The following SOBP variants were observed in gnomAD, a reference collection of about 807,000 sequenced individuals.
SOBP encodes the protein sine oculis-binding protein homolog.
Under a neutral mutation model 53.6 loss-of-function variants are expected in SOBP, and 4 were observed. The observed-to-expected ratio is 0.07, with a 90% CI of 0.04 to 0.17. The LOEUF is 0.17. Among genes scored for constraint, SOBP ranks in the 10% least tolerant of loss-of-function variants. SOBP has a pLI of 1.00. For missense variants in SOBP, 1,088 were observed against 1,204.7 expected, an observed-to-expected ratio of 0.90 and a Z score of 1.43; for synonymous variants, 584 against 522.6, an observed-to-expected ratio of 1.12 and a Z score of -1.60.
chr6:107,605,056 C>G (rs1000837983), intron 5 of SOBP, among the ~76,000 whole-genome samples: 1 of 152,172 alleles, frequency 6.6e-6, no homozygotes, highest in African/African-American at 2.4e-5. Flanking sequence ...TCCTCCTCCC[C>G]CCTCCACTCT....
intron 5 of SOBP, among the ~76,000 whole-genome samples, chr6:107,627,764 G>A (rs1376711775): frequency 6.6e-6 from 1 of 152,192 alleles, no homozygotes; most frequent in East Asian, 1.9e-4. Flanking sequence ...TGTTTTTATT[G>A]TATAAGAGCC....
Position 107,574,411 on chromosome 6 carries a change from G to A in SOBP, c.574-12669G>A, listed in dbSNP as rs184413056. ...TATGAATCTAGAATCCCATGTCCTT[G>A]AGAACATGTCTCAATTTGTCTAGGA... is the stretch of plus-strand genomic sequence containing the variant. On this transcript the variant is annotated intron_variant, in intron 4 of 6. Coordinates refer to ENST00000317357, the MANE Select transcript of SOBP (RefSeq NM_018013.4). Among the ~76,000 whole-genome samples, 8 of 152,224 alleles carry A rather than the reference G, an allele frequency of 5.3e-5. No homozygotes were observed. In the East Asian group the frequency reaches 1.5e-3, roughly 29 times the overall value.
intron 4 of SOBP, among the ~76,000 whole-genome samples, chr6:107,538,947 C>T (rs1043538127): frequency 6.6e-6 from 1 of 151,356 alleles, no homozygotes; most frequent in African/African-American, 2.4e-5. Flanking sequence ...AGTGTAGGTC[C>T]GTTTAAAGTG....
chr6:107,599,267 T>C (rs1583255762), intron 5 of SOBP, among the ~76,000 whole-genome samples: 1 of 152,224 alleles, frequency 6.6e-6, no homozygotes, highest in Non-Finnish European at 1.5e-5. Flanking sequence ...ATATATAGTG[T>C]GCTTGTCATT....
intron 6 of SOBP, among the ~76,000 whole-genome samples, chr6:107,644,668 G>A (rs1771479520): frequency 6.6e-6 from 1 of 152,184 alleles, no homozygotes; most frequent in South Asian, 2.1e-4. Context: ...GGAAAAGAAG[G>A]CTTTAAAAGG....
rs545012901 is a variant in SOBP, at chr6:107,635,357, C to G, written c.2513C>G (p.Ala838Gly). ...CCTGTGCCAAAACCCGCGGAGAAGG[C>G]TGCCATGGCACCGTGCATCATCTCC... ...IQPVPKPAEK[A>G]AMAPCIISSP... is the part of the protein sequence containing the mutation. The change falls in exon 6 of 7, where the codon GCT becomes GGT. Residue 838 changes from alanine to glycine, a missense_variant. Physicochemically the swap from Ala to Gly is moderately conservative, Grantham distance 60 (BLOSUM62 0). Around this residue, in one of 6 missense-constraint regions of SOBP, gnomAD observed 665 missense variants for 629.7 expected, o/e 1.06. Coordinates refer to ENST00000317357, the MANE Select transcript of SOBP (RefSeq NM_018013.4). The surrounding 1 kb of genome is among the most constrained non-coding windows in gnomAD (Gnocchi z 4.5). 1.2e-6 allele frequency: 2 copies of G among 1,613,612 alleles called. No individual in the cohort carries two copies. The highest frequency in any genetic ancestry group is 2.7e-5 in the African/African-American group (2 of 75,060).
At chr6:107,552,884 C>T (rs1416758665) in intron 4 of SOBP, among the ~76,000 whole-genome samples, 1 of 152,090 alleles carries the variant, frequency 6.6e-6, no homozygotes, top group African/African-American at 2.4e-5. Flanking sequence ...GATCACACCA[C>T]TGTACTCCAG....
At chr6:107,656,308 AAAG>A (rs1467883357) in intron 6 of SOBP, among the ~76,000 whole-genome samples, 11 of 14,438 alleles carry the variant, frequency 7.6e-4, no homozygotes, top group Non-Finnish European at 9.5e-4. Flanking sequence ...AGAAAGAAAG[AAAG>A]AAAGAAAGAA....
intron 1 of SOBP, among the ~76,000 whole-genome samples, chr6:107,498,152 T>C (rs983310186): frequency 2.0e-5 from 3 of 152,230 alleles, no homozygotes; most frequent in Admixed American, 2.0e-4. Context: ...TAAAGGTTCC[T>C]ACCCTCAAGT....
At chr6:107,648,496 C>T (rs977934857) in intron 6 of SOBP, among the ~76,000 whole-genome samples, 4 of 150,534 alleles carry the variant, frequency 2.7e-5, no homozygotes, top group Admixed American at 6.6e-5. Flanking sequence ...TCAGCTAGTT[C>T]GTGTGTTGGA....
chr6:107,594,057 T>C (rs1237320089), intron 5 of SOBP, among the ~76,000 whole-genome samples: 2 of 152,196 alleles, frequency 1.3e-5, no homozygotes, highest in Non-Finnish European at 2.9e-5. Context: ...AGTGTTGTAG[T>C]GAAGAACTTG....
At chr6:107,504,302 G>A (rs548754883) in intron 2 of SOBP, among the ~76,000 whole-genome samples, 7 of 152,192 alleles carry the variant, frequency 4.6e-5, no homozygotes, top group Admixed American at 6.5e-5. Context: ...CTGCCCCCAC[G>A]CACTTGAATA....
chr6:107,642,206 A>G (rs1398769617), intron 6 of SOBP, among the ~76,000 whole-genome samples: 2 of 152,206 alleles, frequency 1.3e-5, no homozygotes, highest in East Asian at 3.9e-4. Context: ...TACTAACTGC[A>G]GAGAGTTCTT....
In SOBP at chr6:107,545,764, C is replaced by T. The variant is rs543307979; in HGVS notation, c.573+12154C>T. On this transcript the variant is annotated intron_variant, in intron 4 of 6. Coordinates refer to ENST00000317357, the MANE Select transcript of SOBP (RefSeq NM_018013.4). ...CTGCAGTTCAGCTGGAGTCAGCAGCCTCCTCTCCAGATCTAGTAGCTCCTG... is the reference window on the plus strand; with the variant it reads ...CTGCAGTTCAGCTGGAGTCAGCAGCTTCCTCTCCAGATCTAGTAGCTCCTG... Among the ~76,000 whole-genome samples the T allele has an allele frequency of 1.6e-3, 244 of 152,032 alleles. 1 individual carries two copies. The highest frequency in any genetic ancestry group is 2.6e-3 in the Admixed American group (39 of 15,254).
At chr6:107,540,654 A>T (rs1409708447) in intron 4 of SOBP, among the ~76,000 whole-genome samples, 1 of 151,844 alleles carries the variant, frequency 6.6e-6, no homozygotes, top group Non-Finnish European at 1.5e-5. Flanking sequence ...AGATGCTTGA[A>T]CTCTGCTGCA....
rs199912300 is a variant in SOBP at position 107,505,059 on chromosome 6, A to T, written c.236-1183A>T. ...TGCAAGGATACGATGCACAAAGCTC[A>T]TATCGTTGTAAGTTTTTAAAATTTT... On this transcript the variant is annotated intron_variant, in intron 2 of 6. Transcript: ENST00000317357. 4.6e-5 allele frequency among the ~76,000 whole-genome samples: 7 copies of T among 152,342 alleles called. No homozygotes were observed. In the East Asian group the frequency reaches 7.7e-4, roughly 17 times the overall value.
chr6:107,657,181 C>A (rs1435472005), intron 6 of SOBP, among the ~76,000 whole-genome samples: 1 of 152,220 alleles, frequency 6.6e-6, no homozygotes, highest in Non-Finnish European at 1.5e-5. Flanking sequence ...GCTCCCAGAA[C>A]TGACTGAGTG....
At chr6:107,640,697 T>C (rs1029552537) in intron 6 of SOBP, among the ~76,000 whole-genome samples, 1 of 152,188 alleles carries the variant, frequency 6.6e-6, no homozygotes, top group Non-Finnish European at 1.5e-5. Flanking sequence ...TGTACAAGCA[T>C]CCAACTTTTA....
chr6:107,545,895 T>C (rs1784287533), intron 4 of SOBP, among the ~76,000 whole-genome samples: 1 of 152,088 alleles, frequency 6.6e-6, no homozygotes, highest in Non-Finnish European at 1.5e-5. Flanking sequence ...TTAAAAACCA[T>C]AAAATCTGCC....
Sources: allele counts gnomAD v4.1 joint callset (sites outside exome capture counted in the v4.1 genomes callset), GRCh38; gene constraint gnomAD v4.1.1; regional missense constraint gnomAD v4.1.1; non-coding constraint Gnocchi (gnomAD v3.1); transcripts MANE v1.5; gene names NCBI Gene and HGNC (gene_info 2026-07-23, HGNC 2026-07-21).